Variants in CA3 observed in about 807,000 individuals in gnomAD.
CA3 encodes CA-III.
In CA3, 30 loss-of-function variants were observed where a neutral mutation model predicts 35.7. The ratio of observed to expected loss-of-function variants is 0.84; its 90% CI spans 0.63 to 1.14. The LOEUF is 1.14. Among genes scored for constraint, CA3 ranks in the 50% most tolerant of loss-of-function variants. The pLI is 0.00. For missense variants in CA3, 295 were observed against 328.5 expected (o/e 0.90, Z 0.79); for synonymous variants, 131 against 130.8 (o/e 1.00, Z -0.01).
In CA3 at chr8:85,442,080, A is replaced by AG; in HGVS notation, c.245dup (p.Pro83SerfsTer20). 1.4e-6 allele frequency: 2 copies of AG among 1,472,390 alleles called. No individual in the cohort carries two copies. Among genetic ancestry groups the AG allele is most frequent in the Non-Finnish European group, 1.9e-6 (2 of 1,050,724 alleles). The allele number at this position is 1,472,390 out of a possible 1,614,324, so 91.2% of individuals were successfully genotyped here. ...AGCTTATCTGAATCACAGTGCTGAG[A>AG]GGGGGTCCTCTCCCTGGACCCTACC... is the stretch of plus-strand genomic sequence containing the variant. On this transcript the variant is annotated frameshift_variant, in exon 3 of 7. Coordinates refer to ENST00000285381, the MANE Select transcript of CA3 (RefSeq NM_005181.4). LOFTEE classifies it high-confidence loss of function.
rs1363508771 is a variant in CA3 at position 85,438,883 on chromosome 8, A to C, written c.-27A>C. 1 of 1,550,784 alleles carries C rather than the reference A, an allele frequency of 6.4e-7. No individual in the cohort carries two copies. The highest frequency in any genetic ancestry group is 1.2e-5 in the South Asian group (1 of 84,032). On this transcript the variant is annotated 5_prime_UTR_variant, in exon 1 of 7. Coordinates refer to ENST00000285381, the MANE Select transcript of CA3 (RefSeq NM_005181.4). ...ACCACGCAGGGGAAGAGAAAGCAGG[A>C]GCCGTCCAGCACGGAGGAAGGCGAC...
rs1400909503 is a variant in CA3 at position 85,448,081 on chromosome 8, A to G, written c.711A>G (p.Pro237=). Residue 237 remains proline (P), a synonymous_variant, in exon 7 of 7, where the codon CCA becomes CCG. Transcript: ENST00000285381. Reference sequence around the variant, plus strand: ...TCTCCAGTGCTGAGAACGAGCCCCCAGTGCCTCTTGTGAGCAACTGGCGAC... The same window carrying G: ...TCTCCAGTGCTGAGAACGAGCCCCCGGTGCCTCTTGTGAGCAACTGGCGAC... ...SLLSSAENEP[P]VPLVSNWRPP... The G allele has an allele frequency of 1.2e-6, 2 of 1,613,744 alleles. No individual in the cohort carries two copies.
rs757126774 is a variant in CA3 at position 85,444,131 on chromosome 8, A to G, written c.444+5A>G. 29 of 1,585,898 alleles carry G rather than the reference A, an allele frequency of 1.8e-5. No individual in the cohort carries two copies. The highest frequency in any genetic ancestry group is 1.7e-4 in the Middle Eastern group (1 of 6,024). On this transcript the variant is annotated splice_donor_5th_base_variant and intron_variant, in intron 4 of 6. Coordinates refer to ENST00000285381, the MANE Select transcript of CA3 (RefSeq NM_005181.4). ...GTGATTGGCATTTTTCTGAAGGTAA[A>G]GTAAAAATTGACTATATATTTTCTT...
rs747492842 is a variant in CA3 at position 85,446,282 on chromosome 8, C to T, written c.648C>T (p.Thr216=). The change falls in exon 6 of 7, where the codon ACC becomes ACT. Residue 216 remains threonine (T), a synonymous_variant. Transcript: ENST00000285381. ...GGCTGCTGCTGAAGGAGCCCATGAC[C>T]GTGAGCTCTGACCAGGTGAGCAGCC... The part of the protein sequence containing the change: ...IVWLLLKEPM[T]VSSDQMAKLR... 14 of 1,613,460 alleles carry T rather than the reference C, an allele frequency of 8.7e-6. No individual in the cohort carries two copies. Among genetic ancestry groups the T allele is most frequent in the East Asian group, 2.2e-5 (1 of 44,884 alleles).
At position 85,446,282 on chromosome 8, in the gene CA3, C is replaced by A. The variant is rs747492842; in HGVS notation, c.648C>A (p.Thr216=). The A allele has an allele frequency of 1.2e-6, 2 of 1,613,578 alleles. No individual in the cohort carries two copies. Among genetic ancestry groups the A allele is most frequent in the Admixed American group, 1.7e-5 (1 of 59,992 alleles). ...GGCTGCTGCTGAAGGAGCCCATGACCGTGAGCTCTGACCAGGTGAGCAGCC... is the reference window on the plus strand; with the variant it reads ...GGCTGCTGCTGAAGGAGCCCATGACAGTGAGCTCTGACCAGGTGAGCAGCC... The part of the protein sequence containing the change: ...IVWLLLKEPM[T]VSSDQMAKLR... Residue 216 remains threonine (T), a synonymous_variant, in exon 6 of 7, where the codon ACC becomes ACA. Coordinates refer to ENST00000285381, the MANE Select transcript of CA3 (RefSeq NM_005181.4).
At chr8:85,441,886 T>C (rs1320595705) in intron 2 of CA3, 187 bp from the exon 3 acceptor site, 1 of 556,386 alleles carries the variant, frequency 1.8e-6, no homozygotes, top group Non-Finnish European at 3.2e-6. Context: ...AAAAGAACAA[T>C]CATTTATCTT....
intron 4 of CA3, 45 bp downstream of exon 4, chr8:85,444,171 C>T (rs1433148320): frequency 8.2e-7 from 1 of 1,213,892 alleles, no homozygotes; most frequent in East Asian, 2.4e-5. Context: ...AATGTATTTC[C>T]CTGCCAATGG....
chr8:85,442,945 T>G (rs1477780667), intron 3 of CA3, among the ~76,000 whole-genome samples: 1 of 152,230 alleles, frequency 6.6e-6, no homozygotes, highest in East Asian at 1.9e-4. Context: ...CTCTACCTGA[T>G]ACAGACTGGC....
intron 1 of CA3, 124 bp downstream of exon 1, chr8:85,439,067 C>A: frequency 1.1e-6 from 1 of 944,980 alleles, no homozygotes; most frequent in Non-Finnish European, 1.6e-6. Context: ...TAAGACCTAA[C>A]ATTTACTGAG....
At chr8:85,439,298 C>T (rs1811174342) in intron 1 of CA3, among the ~76,000 whole-genome samples, 1 of 152,092 alleles carries the variant, frequency 6.6e-6, no homozygotes, top group Non-Finnish European at 1.5e-5. Context: ...AGCTTGGTGC[C>T]GGTGTGAGAA....
At position 85,438,887 on chromosome 8, in the gene CA3, G is replaced by C. The variant is rs752631273; in HGVS notation, c.-23G>C. The C allele has an allele frequency of 3.4e-5, 52 of 1,550,770 alleles. 1 individual carries two copies. The highest frequency in any genetic ancestry group is 4.4e-5 in the Non-Finnish European group (50 of 1,146,960). Reference sequence around the variant, plus strand: ...CGCAGGGGAAGAGAAAGCAGGAGCCGTCCAGCACGGAGGAAGGCGACCATG... The same window carrying C: ...CGCAGGGGAAGAGAAAGCAGGAGCCCTCCAGCACGGAGGAAGGCGACCATG... On this transcript the variant is annotated 5_prime_UTR_variant, in exon 1 of 7. Transcript: ENST00000285381.
At position 85,444,085 on chromosome 8, in the gene CA3, A is replaced by G; in HGVS notation, c.403A>G (p.Lys135Glu). The G allele has an allele frequency of 6.2e-7, 1 of 1,613,876 alleles. No individual in the cohort carries two copies. Among genetic ancestry groups the G allele is most frequent in the Non-Finnish European group, 8.5e-7 (1 of 1,179,744 alleles). The change falls in exon 4 of 7, where the codon AAG becomes GAG. Residue 135 changes from lysine (K) to glutamate (E), a missense_variant. Coordinates refer to ENST00000285381, the MANE Select transcript of CA3 (RefSeq NM_005181.4). ...PKYNTFKEAL[K>E]QRDGIAVIGI... ...GTATAACACTTTTAAAGAAGCCCTG[A>G]AGCAGCGCGATGGGATCGCTGTGAT...
chr8:85,446,376 G>A, intron 6 of CA3, 79 bp downstream of exon 6: 1 of 1,475,694 alleles, frequency 6.8e-7, no homozygotes, highest in Non-Finnish European at 9.2e-7. Flanking sequence ...AAAATACATA[G>A]CTACTAACTG....
intron 4 of CA3, 45 bp from the exon 5 acceptor site, chr8:85,445,111 A>G (rs1811264805): frequency 7.8e-7 from 1 of 1,289,092 alleles, no homozygotes; most frequent in Non-Finnish European, 1.1e-6. Flanking sequence ...ATCCTAAACT[A>G]TGGAGAAGTA....
At position 85,444,118 on chromosome 8, in the gene CA3, T is replaced by G. The variant is rs201933352; in HGVS notation, c.436T>G (p.Phe146Val). Residue 146 changes from phenylalanine (F) to valine (V), a missense_variant, in exon 4 of 7, where the codon TTT becomes GTT. Transcript: ENST00000285381. Reference sequence around the variant, plus strand: ...CGATGGGATCGCTGTGATTGGCATTTTTCTGAAGGTAAAGTAAAAATTGAC... The same window carrying G: ...CGATGGGATCGCTGTGATTGGCATTGTTCTGAAGGTAAAGTAAAAATTGAC... ...QRDGIAVIGI[F>V]LKIGHENGEF... is the part of the protein sequence containing the mutation. 6.2e-7 allele frequency: 1 copy of G among 1,606,350 alleles called. No homozygotes were observed. The highest frequency in any genetic ancestry group is 8.5e-7 in the Non-Finnish European group (1 of 1,172,922).
At chr8:85,445,512 A>ACC (rs1352685297) in intron 5 of CA3, among the ~76,000 whole-genome samples, 3 of 121,164 alleles carry the variant, frequency 2.5e-5, no homozygotes, top group African/African-American at 1.3e-4. Flanking sequence ...CAACACACAC[A>ACC]CACACACACA....
intron 6 of CA3, 67 bp downstream of exon 6, chr8:85,446,364 C>G: frequency 2.0e-6 from 3 of 1,521,230 alleles, no homozygotes; most frequent in Middle Eastern, 1.8e-4. Context: ...GATGCTAAAT[C>G]AAAAATACAT....
At position 85,448,050 on chromosome 8, in the gene CA3, G is replaced by A. The variant is rs968765124; in HGVS notation, c.680G>A (p.Ser227Asn). 2.5e-6 allele frequency: 4 copies of A among 1,611,824 alleles called. No homozygotes were observed. Among genetic ancestry groups the A allele is most frequent in the Non-Finnish European group, 3.4e-6 (4 of 1,179,050 alleles). ...CCTTTGCAGATGGCCAAGCTGCGGA[G>A]CCTCCTCTCCAGTGCTGAGAACGAG... ...VSSDQMAKLR[S>N]LLSSAENEPP... The change falls in exon 7 of 7, where the codon AGC becomes AAC. Residue 227 changes from serine to asparagine, a missense_variant. By Grantham distance (46) the Ser-to-Asn change is conservative. Coordinates refer to ENST00000285381, the MANE Select transcript of CA3 (RefSeq NM_005181.4).
chr8:85,446,427 C>A, intron 6 of CA3, 130 bp downstream of exon 6: 1 of 1,085,174 alleles, frequency 9.2e-7, no homozygotes, highest in Non-Finnish European at 1.3e-6. Flanking sequence ...ATTTCATGGT[C>A]TGCCCTGGTT....
Sources: gnomAD v4.1 joint callset for allele counts (sites outside exome capture counted in the v4.1 genomes callset) on GRCh38, gnomAD v4.1.1 for gene constraint, MANE v1.5 for transcripts, NCBI Gene and HGNC (gene_info 2026-07-23, HGNC 2026-07-21) for gene names.